The following ALKBH5 variants were observed in gnomAD, a reference collection of about 807,000 sequenced individuals.
ALKBH5 encodes alkB homolog 5, RNA demethylase.
Under a neutral mutation model 32.1 loss-of-function variants are expected in ALKBH5, and 2 were observed. The observed-to-expected ratio is 0.06, with a 90% CI of 0.03 to 0.20. The LOEUF (loss-of-function observed/expected upper bound fraction) is 0.20. Among genes scored for constraint, ALKBH5 ranks in the 10% least tolerant of loss-of-function variants. The probability of loss-of-function intolerance (pLI) is 1.00; values close to 1 mark genes in which losing one functional copy is unlikely to be tolerated. For synonymous variants in ALKBH5, 300 were observed against 231.7 expected (o/e 1.29, Z -2.68); for missense variants, 352 against 559.5 (o/e 0.63, Z 3.74).
chr17:18,205,342 C>T (rs1597842848), intron 2 of ALKBH5, among the ~76,000 whole-genome samples: 1 of 152,290 alleles, frequency 6.6e-6, no homozygotes, highest in Middle Eastern at 3.4e-3. Flanking sequence ...CTGGAGGAGT[C>T]CAGAGTGGAG....
chr17:18,192,443 C>T (rs1467466401), intron 1 of ALKBH5, among the ~76,000 whole-genome samples: 3 of 152,152 alleles, frequency 2.0e-5, no homozygotes, highest in East Asian at 1.9e-4. Context: ...TAAAACTGTC[C>T]CCATTTTTAA....
intron 1 of ALKBH5, among the ~76,000 whole-genome samples, chr17:18,188,560 T>C (rs2047153683): frequency 6.6e-6 from 1 of 152,362 alleles, no homozygotes; most frequent in East Asian, 1.9e-4. Flanking sequence ...CCACATCTCT[T>C]GTGTGGACTC....
intron 2 of ALKBH5, among the ~76,000 whole-genome samples, chr17:18,196,590 TG>T (rs1335959946): frequency 1.3e-5 from 2 of 152,256 alleles, no homozygotes; most frequent in Non-Finnish European, 2.9e-5. Context: ...ATTTGTCTGA[TG>T]TTTTTATGGT....
At chr17:18,199,027 A>G (rs115660402) in intron 2 of ALKBH5, among the ~76,000 whole-genome samples, 1,619 of 152,204 alleles carry the variant, frequency 0.011, 24 homozygotes, top group African/African-American at 0.036. Context: ...TGTCGTTGGG[A>G]TGGATGCTTT....
intron 1 of ALKBH5, 137 bp downstream of exon 1, chr17:18,185,150 C>G (rs1022291692): frequency 1.4e-6 from 2 of 1,419,316 alleles, no homozygotes; most frequent in African/African-American, 2.9e-5. Flanking sequence ...TTGTAGGGAG[C>G]GAGAGAAGGG....
intron 2 of ALKBH5, among the ~76,000 whole-genome samples, chr17:18,195,318 A>G (rs2047198485): frequency 6.6e-6 from 1 of 152,184 alleles, no homozygotes; most frequent in Admixed American, 6.5e-5. Flanking sequence ...ACATTCTTCC[A>G]AACCTCACCC....
chr17:18,190,273 G>C (rs1355189341), intron 1 of ALKBH5, among the ~76,000 whole-genome samples: 2 of 152,230 alleles, frequency 1.3e-5, no homozygotes, highest in African/African-American at 4.8e-5. Context: ...TTCAGGGCCA[G>C]GTGCGGTGGC....
At chr17:18,194,847 T>C in intron 1 of ALKBH5, 108 bp from the exon 2 acceptor site, 1 of 806,396 alleles carries the variant, frequency 1.2e-6, no homozygotes. Context: ...AAGTAATGGG[T>C]AGAGAGCAGC....
intron 1 of ALKBH5, among the ~76,000 whole-genome samples, chr17:18,189,775 A>G (rs190771031): frequency 2.0e-4 from 31 of 152,328 alleles, no homozygotes; most frequent in Middle Eastern, 3.4e-3. Flanking sequence ...TTTGTCATCT[A>G]TTGAATGCTT....
intron 1 of ALKBH5, among the ~76,000 whole-genome samples, chr17:18,189,910 C>G (rs972077189): frequency 5.9e-5 from 9 of 152,180 alleles, no homozygotes; most frequent in African/African-American, 2.2e-4. Context: ...AGCCCCAGGA[C>G]TTCTTATAAA....
chr17:18,201,055 C>CT (rs1405632213), intron 2 of ALKBH5, among the ~76,000 whole-genome samples: 2 of 152,264 alleles, frequency 1.3e-5, no homozygotes, highest in East Asian at 3.9e-4. Context: ...GCAGAGCAAT[C>CT]TGAATGTGAG....
intron 1 of ALKBH5, among the ~76,000 whole-genome samples, chr17:18,193,396 A>T (rs1196136418): frequency 6.6e-6 from 1 of 151,822 alleles, no homozygotes; most frequent in Non-Finnish European, 1.5e-5. Context: ...AAATAACAAA[A>T]ATTAGACAGG....
At chr17:18,191,549 G>A (rs918939800) in intron 1 of ALKBH5, among the ~76,000 whole-genome samples, 2 of 152,192 alleles carry the variant, frequency 1.3e-5, no homozygotes, top group Non-Finnish European at 2.9e-5. Flanking sequence ...AAGAAAAGTG[G>A]TTCCTTGTTG....
At position 18,208,386 on chromosome 17, in the gene ALKBH5, G is replaced by A. The variant is rs1243236963; in HGVS notation, c.1175G>A (p.Arg392Gln). 24 of 1,612,826 alleles carry A rather than the reference G, an allele frequency of 1.5e-5. No homozygotes were observed. Among genetic ancestry groups the A allele is most frequent in the African/African-American group, 5.3e-5 (4 of 74,854 alleles). ...AGSPARKVKM[R>Q]RH ...AGCCCTGCCCGAAAGGTGAAGATGC[G>A]GCGGCACTGAGTCTACCCGCCGCCC... Residue 392 changes from arginine to glutamine, a missense_variant, in exon 4 of 4, where the codon CGG becomes CAG. By Grantham distance (43) the Arg-to-Gln change is conservative (BLOSUM62 1). Around this residue, in one of 4 missense-constraint regions of ALKBH5, gnomAD observed 124 missense variants for 142.4 expected, o/e 0.87. Coordinates refer to ENST00000399138, the MANE Select transcript of ALKBH5 (RefSeq NM_017758.4).
chr17:18,207,005 A>G lies in ALKBH5; in HGVS notation c.1007+35A>G, dbSNP rs775219716. ...TTAGGACCCTCAGCAAAGGCTGGCA[A>G]AGGCCTGGCTGCAGGGTGAGAAGGG... On this transcript the variant is annotated intron_variant, in intron 3 of 3. Transcript: ENST00000399138. 4 of 1,606,554 alleles carry G rather than the reference A, an allele frequency of 2.5e-6. No individual in the cohort carries two copies. The African/African-American group carries it at 4.0e-5, about 16-fold the overall frequency.
chr17:18,203,705 C>T (rs1431194419), intron 2 of ALKBH5, among the ~76,000 whole-genome samples: 1 of 152,232 alleles, frequency 6.6e-6, no homozygotes, highest in African/African-American at 2.4e-5. Context: ...TTAACAGGGG[C>T]ATGTTCTGAA....
intron 2 of ALKBH5, among the ~76,000 whole-genome samples, chr17:18,201,681 G>A (rs1402833767): frequency 2.0e-5 from 3 of 152,016 alleles, no homozygotes; most frequent in African/African-American, 7.3e-5. Flanking sequence ...GGAGGCAGAG[G>A]TTGCAGTGAG....
chr17:18,190,508 C>T (rs144438338), intron 1 of ALKBH5, among the ~76,000 whole-genome samples: 374 of 148,882 alleles, frequency 2.5e-3, no homozygotes, highest in African/African-American at 8.6e-3. Flanking sequence ...AAGATTGCGC[C>T]ACTGCATTCC....
chr17:18,190,549 C>T (rs1377778149), intron 1 of ALKBH5, among the ~76,000 whole-genome samples: 1 of 101,536 alleles, frequency 9.8e-6, no homozygotes, highest in Non-Finnish European at 2.0e-5. Context: ...ACTCTGTTTC[C>T]GAAAAAAAAA....
Sources: allele counts gnomAD v4.1 joint callset (sites outside exome capture counted in the v4.1 genomes callset), GRCh38; gene constraint gnomAD v4.1.1; regional missense constraint gnomAD v4.1.1; transcripts MANE v1.5; gene names NCBI Gene and HGNC (gene_info 2026-07-23, HGNC 2026-07-21).